MED13L: variants seen among roughly 807,000 people sequenced by gnomAD.
MED13L encodes mediator complex subunit 13L.
Under a neutral mutation model 220.9 loss-of-function variants are expected in MED13L, and 7 were observed. The observed-to-expected ratio is 0.03, with a 90% CI of 0.02 to 0.06. The LOEUF (loss-of-function observed/expected upper bound fraction) is 0.06, where lower values mean the gene tolerates loss of function less well. MED13L is among the 10% of genes least tolerant of loss of function. MED13L has a pLI of 1.00. For missense variants in MED13L, 1,965 were observed against 2,760.5 expected, an observed-to-expected ratio of 0.71 and a Z score of 6.46; for synonymous variants, 1,011 against 1,015.2, an observed-to-expected ratio of 1.00 and a Z score of 0.08.
intron 2 of MED13L, among the ~76,000 whole-genome samples, chr12:116,222,831 A>C (rs763404179): frequency 4.6e-5 from 7 of 152,236 alleles, no homozygotes; most frequent in Admixed American, 1.3e-4. Flanking sequence ...CCCAAAGGCT[A>C]TTTTGATAAA....
At chr12:116,013,243 G>A (rs1211363023) in intron 8 of MED13L, among the ~76,000 whole-genome samples, 1 of 152,102 alleles carries the variant, frequency 6.6e-6, no homozygotes, top group South Asian at 2.1e-4. Context: ...GGTGGCGCTT[G>A]CCTGTAGTCC....
chr12:116,031,841 C>T (rs1235145445), intron 4 of MED13L, among the ~76,000 whole-genome samples: 1 of 150,396 alleles, frequency 6.6e-6, no homozygotes, highest in African/African-American at 2.5e-5. Flanking sequence ...AGTGGTGATG[C>T]TATCTTTATT....
At chr12:116,072,311 G>A (rs1870439995) in intron 4 of MED13L, among the ~76,000 whole-genome samples, 1 of 152,186 alleles carries the variant, frequency 6.6e-6, no homozygotes, top group Admixed American at 6.5e-5. Flanking sequence ...TGGTTTTCTT[G>A]ATGAACAATG....
chr12:115,967,690 G>C (rs775556863), intron 28 of MED13L, among the ~76,000 whole-genome samples: 1 of 152,182 alleles, frequency 6.6e-6, no homozygotes, highest in Non-Finnish European at 1.5e-5. Flanking sequence ...AAAGCCCGTA[G>C]GCCCAGAGCT....
chr12:116,071,021 A>G (rs1870326471), intron 4 of MED13L, among the ~76,000 whole-genome samples: 1 of 152,216 alleles, frequency 6.6e-6, no homozygotes, highest in African/African-American at 2.4e-5. Context: ...AAGATAATAA[A>G]ATTTACTATT....
At chr12:116,276,895 A>T in intron 1 of MED13L, 165 bp downstream of exon 1, 1 of 978,986 alleles carries the variant, frequency 1.0e-6, no homozygotes, top group Non-Finnish European at 1.6e-6. Context: ...CCAAGGCGAG[A>T]GAGAGACGAT....
intron 2 of MED13L, among the ~76,000 whole-genome samples, chr12:116,139,445 C>T (rs1333456215): frequency 6.6e-6 from 1 of 152,106 alleles, no homozygotes; most frequent in East Asian, 1.9e-4. Context: ...TATTATAAAT[C>T]CGCCAAGTGA....
chr12:116,019,546 T>C (rs892748567), intron 6 of MED13L, 134 bp from the exon 7 acceptor site: 4 of 1,147,598 alleles, frequency 3.5e-6, no homozygotes, highest in East Asian at 5.1e-5. Context: ...CATTCTTTCA[T>C]AAGTTAATAG....
At chr12:116,141,715 G>C (rs12317839) in intron 2 of MED13L, among the ~76,000 whole-genome samples, 3,490 of 152,036 alleles carry the variant, frequency 0.023, 151 homozygotes, top group African/African-American at 0.08. Context: ...GCCTCCCGTG[G>C]GACCTCTGCT....
chr12:116,121,117 C>T (rs866170899), intron 2 of MED13L, among the ~76,000 whole-genome samples: 3 of 152,140 alleles, frequency 2.0e-5, no homozygotes, highest in African/African-American at 7.2e-5. Flanking sequence ...AATGTGTTTA[C>T]GTTGCTGTTA....
At chr12:116,029,625 G>A (rs571933535) in intron 4 of MED13L, among the ~76,000 whole-genome samples, 3 of 152,010 alleles carry the variant, frequency 2.0e-5, no homozygotes, top group South Asian at 2.1e-4. Context: ...ATAAAACAAC[G>A]AAATATTTTA....
chr12:116,029,072 T>C (rs1353228508), intron 4 of MED13L, among the ~76,000 whole-genome samples: 1 of 151,984 alleles, frequency 6.6e-6, no homozygotes. Context: ...AACTAACATA[T>C]AAATAAAATG....
At position 116,092,680 on chromosome 12, in the gene MED13L, AAAG is replaced by A. The variant is rs370717665; in HGVS notation, c.479+3986_479+3988del. Among the ~76,000 whole-genome samples the A allele has an allele frequency of 2.3e-4, 35 of 152,364 alleles. No homozygotes were observed. The East Asian group carries it at 2.5e-3, about 11-fold the overall frequency. ...ATGTTAGGTAATCTAAGAAAATAAA[AAAG>A]AAGTTTTAAAAAGTCTGAAGTTAAG... is the stretch of plus-strand genomic sequence containing the variant. On this transcript the variant is annotated intron_variant, in intron 4 of 30. Coordinates refer to ENST00000281928, the MANE Select transcript of MED13L (RefSeq NM_015335.5).
chr12:115,969,767 G>A (rs886608451), intron 27 of MED13L, among the ~76,000 whole-genome samples: 6 of 151,888 alleles, frequency 4.0e-5, no homozygotes, highest in African/African-American at 1.2e-4. Context: ...CAAGGGATCC[G>A]CCTGCCTCAG....
chr12:116,150,129 G>A (rs185885045), intron 2 of MED13L, among the ~76,000 whole-genome samples: 6 of 152,320 alleles, frequency 3.9e-5, no homozygotes, highest in Non-Finnish European at 7.4e-5. Flanking sequence ...TCTCTGTAAA[G>A]ACCTAATTGG....
chr12:116,180,883 T>C (rs896219595), intron 2 of MED13L, among the ~76,000 whole-genome samples: 2 of 152,162 alleles, frequency 1.3e-5, no homozygotes, highest in African/African-American at 4.8e-5. Context: ...ATTGTTTATA[T>C]GTGATAGAAA....
Position 115,991,336 on chromosome 12 carries a change from G to A in MED13L, c.3618C>T (p.Ser1206=), listed in dbSNP as rs1185930095. 1.2e-6 allele frequency: 2 copies of A among 1,613,864 alleles called. No homozygotes were observed. Among genetic ancestry groups the A allele is most frequent in the Non-Finnish European group, 1.7e-6 (2 of 1,180,010 alleles). The change falls in exon 17 of 31, where the codon TCC becomes TCT. Residue 1206 remains serine, a synonymous_variant. Transcript: ENST00000281928. This position sits in a 1 kb window ranked among gnomAD's most constrained non-coding sequence, Gnocchi z 7.7. ...TTCCTTCCACCTGAGGAAGGAAGGTGGACTGACACATCATTAAGCGCCTCT... is the reference window on the plus strand; with the variant it reads ...TTCCTTCCACCTGAGGAAGGAAGGTAGACTGACACATCATTAAGCGCCTCT... ...AAERRLMMCQ[S]TFLPQVEGTK... is the part of the protein sequence containing the mutation.
intron 4 of MED13L, among the ~76,000 whole-genome samples, chr12:116,044,391 G>A (rs1881709288): frequency 6.6e-6 from 1 of 152,210 alleles, no homozygotes. Flanking sequence ...CCACACGAAA[G>A]AAAGCGCAAG....
At chr12:116,234,215 C>CTATTTATT (rs74508824) in intron 2 of MED13L, among the ~76,000 whole-genome samples, 2,492 of 149,866 alleles carry the variant, frequency 0.017, 47 homozygotes, top group East Asian at 0.051. Flanking sequence ...CAGGATTCTG[C>CTATTTATT]TATTTATTTA....
Sources: allele counts gnomAD v4.1 joint callset (sites outside exome capture counted in the v4.1 genomes callset), GRCh38; gene constraint gnomAD v4.1.1; non-coding constraint Gnocchi (gnomAD v3.1); transcripts MANE v1.5; gene names NCBI Gene and HGNC (gene_info 2026-07-23, HGNC 2026-07-21).